The following SOX5 variants were observed in gnomAD, a reference collection of about 807,000 sequenced individuals.
SOX5 encodes the protein SRY-box transcription factor 5.
A neutral mutation model predicts 92.0 loss-of-function variants in SOX5; 9 were observed. The ratio of observed to expected loss-of-function variants is 0.10; its 90% CI spans 0.06 to 0.17. The LOEUF (loss-of-function observed/expected upper bound fraction) is 0.17. Ranked by LOEUF, SOX5 falls within the 10% of genes least tolerant of loss-of-function variation. The pLI, the probability that SOX5 is intolerant of heterozygous loss-of-function variation, is 1.00. For missense variants in SOX5, 642 were observed against 944.5 expected, an observed-to-expected ratio of 0.68 and a Z score of 4.20; for synonymous variants, 344 against 336.3, an observed-to-expected ratio of 1.02 and a Z score of -0.25.
rs113659397 is a variant in SOX5 at position 24,307,466 on chromosome 12, G to A, written c.-173-30154C>T. ...TATAGCTGGAAAGGAAGGAAGGAAG[G>A]AAGGAAGGAAGGAAGGAAGGAAGGA... On this transcript the variant is annotated intron_variant, in intron 2 of 4. Coordinates refer to the SOX5 transcript ENST00000446891. 5.5e-3 allele frequency among the ~76,000 whole-genome samples: 98 copies of A among 17,694 alleles called. No homozygotes were observed. The East Asian group carries it at 0.1, about 19-fold the overall frequency. The allele number at this position is 17,694 out of a possible 152,430, so 11.6% of individuals were successfully genotyped here. A position where few individuals can be genotyped will look rare whatever the true frequency, so the allele number is the denominator to read the frequency against.
At chr12:23,741,126 A>T in intron 4 of SOX5, 87 bp from the exon 5 acceptor site, 3 of 944,774 alleles carry the variant, frequency 3.2e-6, no homozygotes, top group South Asian at 2.8e-5. Context: ...ATACAGAGCC[A>T]GTCCAAATAT....
intron 2 of SOX5, among the ~76,000 whole-genome samples, chr12:24,297,922 T>G (rs1359992808): frequency 1.3e-5 from 2 of 152,172 alleles, no homozygotes; most frequent in Non-Finnish European, 2.9e-5. Context: ...ATATGAATAC[T>G]AGATGACAGT....
At chr12:23,620,307 CAGAATT>C (rs1226171185) in intron 8 of SOX5, among the ~76,000 whole-genome samples, 2 of 152,032 alleles carry the variant, frequency 1.3e-5, no homozygotes, top group Non-Finnish European at 2.9e-5. Flanking sequence ...AGAGGAATGA[CAGAATT>C]AGATTTCTAT....
intron 1 of SOX5, among the ~76,000 whole-genome samples, chr12:24,409,674 G>A (rs1016034534): frequency 6.6e-6 from 1 of 152,104 alleles, no homozygotes. Flanking sequence ...GAATGAGCTA[G>A]TTTCTGTACA....
At chr12:24,326,606 G>A (rs1289722587) in intron 2 of SOX5, among the ~76,000 whole-genome samples, 1 of 152,084 alleles carries the variant, frequency 6.6e-6, no homozygotes, top group African/African-American at 2.4e-5. Flanking sequence ...CCCACTCAGG[G>A]TTTTGCAACT....
chr12:24,161,697 A>C (rs1187107104), intron 4 of SOX5, among the ~76,000 whole-genome samples: 2 of 152,132 alleles, frequency 1.3e-5, no homozygotes, highest in Non-Finnish European at 2.9e-5. Flanking sequence ...TTTAAAAGTC[A>C]TGGCTCATAA....
At chr12:24,282,765 T>C (rs944787731) in intron 2 of SOX5, among the ~76,000 whole-genome samples, 1 of 152,186 alleles carries the variant, frequency 6.6e-6, no homozygotes, top group African/African-American at 2.4e-5. Context: ...GAGGTTAAGT[T>C]AATTAGGGCA....
chr12:23,594,517 TATTA>T (rs903103863), intron 9 of SOX5, among the ~76,000 whole-genome samples: 4 of 152,176 alleles, frequency 2.6e-5, no homozygotes, highest in East Asian at 1.9e-4. Context: ...GCCCTTAAAA[TATTA>T]ATTAATTAAT....
chr12:23,720,974 TG>T, intron 6 of SOX5, among the ~76,000 whole-genome samples: 1 of 152,300 alleles, frequency 6.6e-6, no homozygotes, highest in South Asian at 2.1e-4. Context: ...TTATAGGACT[TG>T]GGGATGGCCC....
chr12:23,896,553 C>T (rs543971213), intron 1 of SOX5, among the ~76,000 whole-genome samples: 1 of 152,156 alleles, frequency 6.6e-6, no homozygotes, highest in South Asian at 2.1e-4. Context: ...GCAAACCTCA[C>T]AGCAACTGAC....
chr12:23,718,168 A>C (rs1262135494), intron 6 of SOX5, among the ~76,000 whole-genome samples: 2 of 152,234 alleles, frequency 1.3e-5, no homozygotes, highest in Non-Finnish European at 2.9e-5. Flanking sequence ...AGAAAAGAAC[A>C]TCAAAGTTTA....
intron 3 of SOX5, among the ~76,000 whole-genome samples, chr12:24,238,672 T>C (rs1479711172): frequency 6.6e-6 from 1 of 152,202 alleles, no homozygotes; most frequent in African/African-American, 2.4e-5. Context: ...GTAGTCTTAC[T>C]GCCGTTAGTT....
chr12:24,099,877 T>A (rs890952921), intron 4 of SOX5, among the ~76,000 whole-genome samples: 1 of 152,182 alleles, frequency 6.6e-6, no homozygotes, highest in Non-Finnish European at 1.5e-5. Context: ...TGAGACAAGC[T>A]GTAAATCTTG....
chr12:23,950,977 G>GCACA (rs35800209), upstream of SOX5: 4,862 of 619,672 alleles, frequency 7.8e-3, 94 homozygotes, highest in African/African-American at 0.059. Flanking sequence ...ACACACGCAT[G>GCACA]CACACACACA....
intron 4 of SOX5, among the ~76,000 whole-genome samples, chr12:24,172,809 G>A (rs528059163): frequency 1.3e-5 from 2 of 152,252 alleles, no homozygotes; most frequent in East Asian, 3.9e-4. Flanking sequence ...ATAAAAGAGA[G>A]TCAATTAGGC....
chr12:24,185,115 A>C (rs1955884834), intron 4 of SOX5, among the ~76,000 whole-genome samples: 1 of 152,126 alleles, frequency 6.6e-6, no homozygotes, highest in Non-Finnish European at 1.5e-5. Context: ...TTTCTCACTT[A>C]CCATTATAAT....
intron 6 of SOX5, among the ~76,000 whole-genome samples, chr12:23,708,164 T>A (rs1277250091): frequency 6.7e-6 from 1 of 150,036 alleles, no homozygotes. Flanking sequence ...TTTTTTGTTC[T>A]AGGAAAATCT....
intron 3 of SOX5, among the ~76,000 whole-genome samples, chr12:24,253,599 T>C (rs949049429): frequency 4.6e-5 from 7 of 152,222 alleles, no homozygotes; most frequent in African/African-American, 1.2e-4. Flanking sequence ...TCTTTTAAGA[T>C]ACTAATTTTC....
At chr12:24,049,638 G>GTTTTTTTTTTTTTTTTTTTTTTTTT (rs527647441) in intron 4 of SOX5, among the ~76,000 whole-genome samples, 1 of 73,772 alleles carries the variant, frequency 1.4e-5, no homozygotes, top group South Asian at 6.1e-4. Context: ...ATCCTTCATA[G>GTTTTTTTTTTTTTTTTTTTTTTTTT]TTTTTTTTTT....
Sources: gnomAD v4.1 joint callset for allele counts (sites outside exome capture counted in the v4.1 genomes callset) on GRCh38, gnomAD v4.1.1 for gene constraint, MANE v1.5 for transcripts, NCBI Gene and HGNC (gene_info 2026-07-23, HGNC 2026-07-21) for gene names.